The following NRXN3 variants were observed in gnomAD, a reference collection of about 807,000 sequenced individuals.
NRXN3 encodes the protein neurexin III.
NRXN3 carries 32 observed loss-of-function variants against 137.6 expected under a neutral mutation model. That is an observed-to-expected ratio of 0.23 (90% CI 0.18 to 0.31). NRXN3 has a LOEUF of 0.31. NRXN3 is among the 10% of genes least tolerant of loss of function. The pLI is 1.00. For missense variants in NRXN3, 1,574 were observed against 2,062.5 expected (o/e 0.76, Z 4.59); for synonymous variants, 798 against 784.5 (o/e 1.02, Z -0.29).
chr14:78,580,007 G>A (rs1449859099), intron 4 of NRXN3, among the ~76,000 whole-genome samples: 1 of 152,168 alleles, frequency 6.6e-6, no homozygotes, highest in East Asian at 1.9e-4. Context: ...GATTAAATGA[G>A]TTAATAATCT....
chr14:78,622,128 A>G (rs566939777), intron 4 of NRXN3, among the ~76,000 whole-genome samples: 3 of 152,130 alleles, frequency 2.0e-5, no homozygotes, highest in Non-Finnish European at 4.4e-5. Context: ...TCAATGCCCC[A>G]TGGTACTACA....
chr14:78,303,572 A>C (rs1346123916), intron 4 of NRXN3, among the ~76,000 whole-genome samples: 2 of 152,078 alleles, frequency 1.3e-5, no homozygotes, highest in East Asian at 3.9e-4. Flanking sequence ...TATAATTGTC[A>C]AGGTGCCTTC....
At chr14:79,837,899 G>A (rs911046196) in intron 20 of NRXN3, among the ~76,000 whole-genome samples, 7 of 152,072 alleles carry the variant, frequency 4.6e-5, no homozygotes, top group African/African-American at 1.7e-4. Context: ...GTTCCACAGG[G>A]CATATTGGGA....
chr14:79,392,904 AG>A (rs1198958384), intron 15 of NRXN3, among the ~76,000 whole-genome samples: 1 of 133,254 alleles, frequency 7.5e-6, no homozygotes, highest in African/African-American at 2.8e-5. Context: ...CAAGAGGCAG[AG>A]GTTGCAGTGA....
intron 15 of NRXN3, among the ~76,000 whole-genome samples, chr14:79,365,745 G>GAAAAAAAAAAA (rs943211669): frequency 8.8e-6 from 1 of 114,152 alleles, no homozygotes; most frequent in Non-Finnish European, 1.8e-5. Flanking sequence ...AAAAAAAAAA[G>GAAAAAAAAAAA]AAAAAAAAGA....
chr14:79,174,516 T>TATATATAC, intron 15 of NRXN3, among the ~76,000 whole-genome samples: 1 of 148,722 alleles, frequency 6.7e-6, no homozygotes. Context: ...TATATATATA[T>TATATATAC]ATACACACAC....
chr14:78,829,904 A>C (rs1483853618), intron 10 of NRXN3, among the ~76,000 whole-genome samples: 2 of 152,154 alleles, frequency 1.3e-5, no homozygotes, highest in African/African-American at 4.8e-5. Context: ...TTAAAAGACA[A>C]GGTAGTTTTC....
At chr14:78,633,813 A>G (rs1298383396) in intron 4 of NRXN3, among the ~76,000 whole-genome samples, 1 of 152,222 alleles carries the variant, frequency 6.6e-6, no homozygotes, top group Non-Finnish European at 1.5e-5. Flanking sequence ...CACATTTAAC[A>G]AAATAGAAAG....
At chr14:78,232,636 T>A (rs1188848660) in intron 1 of NRXN3, among the ~76,000 whole-genome samples, 5 of 152,144 alleles carry the variant, frequency 3.3e-5, no homozygotes, top group Non-Finnish European at 5.9e-5. Flanking sequence ...TCCTTTTCCC[T>A]CTCCATTTTT....
At chr14:79,442,425 C>T (rs2095980064) in intron 15 of NRXN3, among the ~76,000 whole-genome samples, 2 of 152,172 alleles carry the variant, frequency 1.3e-5, no homozygotes, top group Admixed American at 6.5e-5. Flanking sequence ...AATGGTTCCC[C>T]TGAACTGGAT....
intron 16 of NRXN3, among the ~76,000 whole-genome samples, chr14:79,541,537 T>G (rs961190462): frequency 7.9e-5 from 12 of 152,090 alleles, no homozygotes; most frequent in Non-Finnish European, 1.3e-4. Context: ...ACATTCCATA[T>G]CTTTTGGGGA....
At chr14:78,248,305 C>CT (rs1187101657) in intron 2 of NRXN3, among the ~76,000 whole-genome samples, 2 of 20,204 alleles carry the variant, frequency 9.9e-5, no homozygotes, top group African/African-American at 3.4e-4. Flanking sequence ...GCCCCCCGCC[C>CT]CCCCCCCCCC....
chr14:78,343,771 A>G (rs1235074525), intron 4 of NRXN3, among the ~76,000 whole-genome samples: 1 of 152,178 alleles, frequency 6.6e-6, no homozygotes, highest in African/African-American at 2.4e-5. Context: ...CCTTGGCCGC[A>G]CATTGCAATC....
chr14:78,835,239 C>T (rs1014486846), intron 10 of NRXN3, among the ~76,000 whole-genome samples: 9 of 152,188 alleles, frequency 5.9e-5, no homozygotes, highest in Admixed American at 4.6e-4. Flanking sequence ...AATAGCTCAG[C>T]TCTGCTGATG....
In NRXN3 at chr14:78,268,079, T is replaced by C. The variant is rs544422025; in HGVS notation, c.710-10566T>C. ...AGCCAGCCCTTCTCAAACTGTGTTC[T>C]GTGAGATGTTACTAGATGTTTAATG... is the stretch of plus-strand genomic sequence containing the variant. On this transcript the variant is annotated intron_variant, in intron 2 of 20. Transcript: ENST00000335750. 2.0e-4 allele frequency among the ~76,000 whole-genome samples: 30 copies of C among 152,370 alleles called. No homozygotes were observed. The South Asian group carries it at 6.0e-3, about 31-fold the overall frequency.
chr14:78,228,085 T>TGG (rs1427505252), intron 1 of NRXN3, among the ~76,000 whole-genome samples: 39 of 152,000 alleles, frequency 2.6e-4, no homozygotes, highest in African/African-American at 8.0e-4. Context: ...GTGAAGAATT[T>TGG]GAGACATTAA....
intron 10 of NRXN3, among the ~76,000 whole-genome samples, chr14:78,853,322 G>GT (rs1310537195): frequency 6.6e-6 from 1 of 152,006 alleles, no homozygotes; most frequent in Non-Finnish European, 1.5e-5. Context: ...GCGGTGTTTG[G>GT]TTTTTTGTCC....
intron 14 of NRXN3, among the ~76,000 whole-genome samples, chr14:78,969,393 A>G (rs1223800891): frequency 6.6e-6 from 1 of 152,242 alleles, no homozygotes; most frequent in African/African-American, 2.4e-5. Flanking sequence ...CTAACTTGAA[A>G]GGCAAAGAAG....
At chr14:79,581,116 G>A (rs1602416596) in intron 16 of NRXN3, among the ~76,000 whole-genome samples, 3 of 152,014 alleles carry the variant, frequency 2.0e-5, no homozygotes, top group African/African-American at 4.8e-5. Context: ...CACACTGGAC[G>A]GTGCAGAAAT....
Sources: gnomAD v4.1 joint callset for allele counts (sites outside exome capture counted in the v4.1 genomes callset) on GRCh38, gnomAD v4.1.1 for gene constraint, MANE v1.5 for transcripts, NCBI Gene and HGNC (gene_info 2026-07-23, HGNC 2026-07-21) for gene names.